SRFBP1: variants seen among roughly 807,000 people sequenced by gnomAD.
SRFBP1 encodes the protein serum response factor binding protein 1.
SRFBP1 carries 47 observed loss-of-function variants against 45.5 expected under a neutral mutation model. The observed-to-expected ratio is 1.03, with a 90% CI of 0.82 to 1.32. SRFBP1 has a LOEUF of 1.32. Ranked by LOEUF, SRFBP1 falls within the 40% of genes most tolerant of loss-of-function variation. The pLI is 0.00. For synonymous variants in SRFBP1, 203 were observed against 166.3 expected, an observed-to-expected ratio of 1.22 and a Z score of -1.70; for missense variants, 621 against 484.6, an observed-to-expected ratio of 1.28 and a Z score of -2.64.
At chr5:121,976,385 C>T (rs556199891) in intron 3 of SRFBP1, among the ~76,000 whole-genome samples, 1 of 151,196 alleles carries the variant, frequency 6.6e-6, no homozygotes, top group African/African-American at 2.4e-5. Flanking sequence ...TTTATTCAGT[C>T]CTTCAGGAAA....
At position 122,046,855 on chromosome 5, in the gene SRFBP1, C is replaced by G. The variant is rs1049426337; in HGVS notation, n.311+24448C>G. ...CTGCATAAATGTCTTCTTTTGAGAA[C>G]TGTCTGTTCATTCCTTTGCCCACTT... On this transcript the variant is annotated intron_variant and non_coding_transcript_variant, in intron 2 of 2. Coordinates refer to the SRFBP1 transcript ENST00000504881. 2.0e-5 allele frequency among the ~76,000 whole-genome samples: 3 copies of G among 152,140 alleles called. No individual in the cohort carries two copies. In the South Asian group the frequency reaches 6.2e-4, roughly 31 times the overall value.
At chr5:122,011,071 T>C (rs1358043959) in intron 4 of SRFBP1, among the ~76,000 whole-genome samples, 1 of 152,152 alleles carries the variant, frequency 6.6e-6, no homozygotes, top group Non-Finnish European at 1.5e-5. Context: ...ATTTATGTCA[T>C]CAGATAAAAT....
chr5:121,967,887 A>T lies in SRFBP1; in HGVS notation c.36+5819A>T, dbSNP rs77638229. ...ATTTTGTTAACTATGAATTACTTCA[A>T]ACGTATGGAAAATAATGTAACAGAT... On this transcript the variant is annotated intron_variant, in intron 1 of 7. Transcript: ENST00000339397. 3.6e-3 allele frequency among the ~76,000 whole-genome samples: 556 copies of T among 152,342 alleles called. 5 individuals carry two copies. Among genetic ancestry groups the T allele is most frequent in the African/African-American group, 0.012 (506 of 41,574 alleles).
chr5:122,056,508 T>C (rs1012679429), intron 2 of SRFBP1, among the ~76,000 whole-genome samples: 4 of 152,222 alleles, frequency 2.6e-5, no homozygotes, highest in African/African-American at 9.6e-5. Flanking sequence ...AATCTTTTAG[T>C]CACTTACATA....
intron 2 of SRFBP1, chr5:122,073,957 A>C (rs1754533316): frequency 6.6e-7 from 1 of 1,510,966 alleles, no homozygotes; most frequent in Non-Finnish European, 9.2e-7. Context: ...AACTAACGGT[A>C]GATGACCCGT....
intron 4 of SRFBP1, among the ~76,000 whole-genome samples, chr5:122,017,543 A>T (rs1249356459): frequency 2.0e-5 from 3 of 152,218 alleles, no homozygotes; most frequent in African/African-American, 7.2e-5. Context: ...TTGTTTCCAA[A>T]TAAGTTCACA....
At chr5:122,039,590 A>G (rs531454744) in intron 2 of SRFBP1, among the ~76,000 whole-genome samples, 8 of 152,252 alleles carry the variant, frequency 5.3e-5, no homozygotes, top group African/African-American at 9.6e-5. Flanking sequence ...AATCTTCCAC[A>G]CTTCTTCCAT....
intron 3 of SRFBP1, among the ~76,000 whole-genome samples, chr5:121,991,544 C>T (rs1752622325): frequency 6.6e-6 from 1 of 152,098 alleles, no homozygotes; most frequent in Admixed American, 6.6e-5. Context: ...ATTTAAGGTG[C>T]TATCTGTGCA....
intron 3 of SRFBP1, among the ~76,000 whole-genome samples, chr5:121,988,167 A>T (rs901556772): frequency 2.0e-5 from 3 of 152,176 alleles, no homozygotes; most frequent in African/African-American, 7.2e-5. Flanking sequence ...TTAGGAAGGA[A>T]TTCAAACAAA....
chr5:122,027,165 A>T lies in SRFBP1; in HGVS notation c.*39A>T. 2 of 1,555,020 alleles carry T rather than the reference A, an allele frequency of 1.3e-6. No homozygotes were observed. The highest frequency in any genetic ancestry group is 1.7e-6 in the Non-Finnish European group (2 of 1,146,110). On this transcript the variant is annotated 3_prime_UTR_variant, in exon 8 of 8. Coordinates refer to ENST00000339397, the MANE Select transcript of SRFBP1 (RefSeq NM_152546.3). The stretch of plus-strand genomic sequence containing the variant: ...CTGCAAACTTTTCCATCTAAAAAAA[A>T]AAATGTTTTTTTTAAGACAGGATCT...
intron 2 of SRFBP1, among the ~76,000 whole-genome samples, chr5:122,049,728 A>G (rs1273577162): frequency 1.3e-5 from 2 of 152,178 alleles, no homozygotes; most frequent in Non-Finnish European, 2.9e-5. Flanking sequence ...AAACTCACTC[A>G]AAACCGCCAA....
chr5:121,992,928 A>G (rs1280807451), intron 3 of SRFBP1, among the ~76,000 whole-genome samples: 1 of 152,042 alleles, frequency 6.6e-6, no homozygotes, highest in Admixed American at 6.6e-5. Context: ...GGCTCCTGCT[A>G]TTGCTATGAG....
chr5:122,038,611 T>C (rs1753727440), intron 2 of SRFBP1, among the ~76,000 whole-genome samples: 1 of 152,186 alleles, frequency 6.6e-6, no homozygotes, highest in Non-Finnish European at 1.5e-5. Flanking sequence ...GGCTCCAGCA[T>C]AGACCTGAGT....
At chr5:122,074,865 C>A (rs1004726447) in intron 2 of SRFBP1, among the ~76,000 whole-genome samples, 3 of 152,058 alleles carry the variant, frequency 2.0e-5, no homozygotes, top group Non-Finnish European at 4.4e-5. Flanking sequence ...AAATAAACAC[C>A]CAGGCAAGTT....
chr5:122,037,245 C>T (rs1253521083), intron 2 of SRFBP1, among the ~76,000 whole-genome samples: 1 of 152,142 alleles, frequency 6.6e-6, no homozygotes, highest in East Asian at 1.9e-4. Context: ...TCTTAGGGAC[C>T]CCCAACCCAA....
chr5:122,048,305 T>C (rs947886008), intron 2 of SRFBP1, among the ~76,000 whole-genome samples: 1 of 152,334 alleles, frequency 6.6e-6, no homozygotes, highest in Middle Eastern at 3.4e-3. Context: ...GAGATAATCC[T>C]ATGGTTTTTG....
rs550056190 is a variant in SRFBP1, at chr5:122,070,803, A to G, written n.312-4512A>G. On this transcript the variant is annotated intron_variant and non_coding_transcript_variant, in intron 2 of 2. Coordinates refer to the SRFBP1 transcript ENST00000504881. ...ATACAGGACTAATATAAGTAGTAGT[A>G]CACCTCACTTCTTAAAAGTGTCATA... 326 of 369,628 alleles carry G rather than the reference A, an allele frequency of 8.8e-4. 2 individuals are homozygous for G. Among genetic ancestry groups the G allele is most frequent in the African/African-American group, 6.3e-3 (304 of 48,254 alleles). 22.9% of individuals were successfully genotyped at this position (369,628 alleles called of 1,614,324 possible). A position where few individuals can be genotyped will look rare whatever the true frequency, so the allele number is the denominator to read the frequency against.
chr5:121,994,504 TTTAATA>T (rs1752678967), intron 3 of SRFBP1, 89 bp from the exon 4 acceptor site: 1 of 746,308 alleles, frequency 1.3e-6, no homozygotes, highest in Non-Finnish European at 2.2e-6. Context: ...TAAGATGTTA[TTTAATA>T]TTAAGTTTCT....
At chr5:122,071,083 A>G (rs1176269004) in intron 2 of SRFBP1, among the ~76,000 whole-genome samples, 2 of 152,280 alleles carry the variant, frequency 1.3e-5, no homozygotes, top group South Asian at 2.1e-4. Context: ...CTATGTAAGA[A>G]TATAGCTAAC....
Sources: gnomAD v4.1 joint callset for allele counts (sites outside exome capture counted in the v4.1 genomes callset) on GRCh38, gnomAD v4.1.1 for gene constraint, MANE v1.5 for transcripts, NCBI Gene and HGNC (gene_info 2026-07-23, HGNC 2026-07-21) for gene names.